Variants in NDUFS4 observed in about 807,000 individuals in gnomAD.
NDUFS4 encodes the protein NADH:ubiquinone oxidoreductase subunit S4.
A neutral mutation model predicts 24.3 loss-of-function variants in NDUFS4; 28 were observed. That is an observed-to-expected ratio of 1.15 (90% confidence interval 0.85 to 1.58). The LOEUF is 1.58. Among genes scored for constraint, NDUFS4 ranks in the 40% most tolerant of loss-of-function variants. The pLI, the probability that NDUFS4 is intolerant of heterozygous loss-of-function variation, is 0.00. For missense variants in NDUFS4, 223 were observed against 207.9 expected (o/e 1.07, Z -0.45); for synonymous variants, 93 against 69.7 (o/e 1.34, Z -1.67).
At chr5:53,625,952 A>G (rs1389931211) in intron 2 of NDUFS4, among the ~76,000 whole-genome samples, 1 of 152,160 alleles carries the variant, frequency 6.6e-6, no homozygotes, top group Non-Finnish European at 1.5e-5. Context: ...TCTGTTACAT[A>G]GGTATACATG....
chr5:53,660,181 T>C (rs1488758547), intron 4 of NDUFS4, among the ~76,000 whole-genome samples: 2 of 124,612 alleles, frequency 1.6e-5, no homozygotes, highest in Non-Finnish European at 3.2e-5. Context: ...CGGAGTGTGA[T>C]GTTCCCCTTC....
chr5:53,622,948 A>T (rs1257138950), intron 2 of NDUFS4, among the ~76,000 whole-genome samples: 1 of 152,132 alleles, frequency 6.6e-6, no homozygotes, highest in Admixed American at 6.5e-5. Context: ...CATGTGTCAG[A>T]ATTTCATTCC....
intron 4 of NDUFS4, among the ~76,000 whole-genome samples, chr5:53,663,289 GA>G (rs1250012140): frequency 2.0e-5 from 3 of 152,078 alleles, no homozygotes; most frequent in African/African-American, 4.8e-5. Flanking sequence ...GTGTGGTGTT[GA>G]AAAAAATGTA....
At chr5:53,562,951 C>G (rs779608822) in intron 1 of NDUFS4, among the ~76,000 whole-genome samples, 5 of 140,422 alleles carry the variant, frequency 3.6e-5, no homozygotes, top group Non-Finnish European at 7.9e-5. Flanking sequence ...AAGGAAGGGC[C>G]GGGCGCGGTG....
intron 1 of NDUFS4, among the ~76,000 whole-genome samples, chr5:53,561,016 A>C (rs1398050450): frequency 1.3e-5 from 2 of 151,814 alleles, no homozygotes; most frequent in African/African-American, 4.8e-5. Context: ...GCTGAGGGAG[A>C]GGGTCCGTGG....
intron 1 of NDUFS4, among the ~76,000 whole-genome samples, chr5:53,601,614 G>A (rs909940672): frequency 1.6e-4 from 24 of 152,078 alleles, no homozygotes; most frequent in Non-Finnish European, 3.1e-4. Flanking sequence ...AGCTTTTCAC[G>A]GTTTTAGTTA....
intron 1 of NDUFS4, among the ~76,000 whole-genome samples, chr5:53,590,733 C>T (rs1749925544): frequency 6.6e-6 from 1 of 152,200 alleles, no homozygotes; most frequent in African/African-American, 2.4e-5. Flanking sequence ...CAGGGATTAT[C>T]TGTTTCTTCA....
chr5:53,583,172 C>T (rs1018586457), intron 1 of NDUFS4, among the ~76,000 whole-genome samples: 4 of 152,056 alleles, frequency 2.6e-5, no homozygotes, highest in Non-Finnish European at 4.4e-5. Flanking sequence ...CCACTGCACC[C>T]GGCCTTATAT....
At chr5:53,566,703 AAT>A (rs1346566240) in intron 1 of NDUFS4, among the ~76,000 whole-genome samples, 2 of 152,100 alleles carry the variant, frequency 1.3e-5, no homozygotes, top group Non-Finnish European at 2.9e-5. Flanking sequence ...ATATACTTTA[AAT>A]CATCTCTGGA....
intron 4 of NDUFS4, among the ~76,000 whole-genome samples, chr5:53,668,780 C>T (rs1752589645): frequency 6.6e-6 from 1 of 151,962 alleles, no homozygotes; most frequent in Non-Finnish European, 1.5e-5. Flanking sequence ...ATATTTAATG[C>T]CCTCTAATTA....
At chr5:53,604,628 G>A (rs780147508) in intron 2 of NDUFS4, 10 of 385,382 alleles carry the variant, frequency 2.6e-5, no homozygotes, top group East Asian at 7.2e-5. Context: ...CCCTCTTTTC[G>A]TCCTTTGGTG....
chr5:53,651,221 T>G (rs921524208), intron 3 of NDUFS4, among the ~76,000 whole-genome samples: 7 of 151,996 alleles, frequency 4.6e-5, no homozygotes, highest in Admixed American at 2.0e-4. Flanking sequence ...ACTTATTTGA[T>G]TTGATTAGAA....
intron 2 of NDUFS4, among the ~76,000 whole-genome samples, chr5:53,642,575 C>G (rs1159687813): frequency 6.6e-6 from 1 of 151,984 alleles, no homozygotes. Flanking sequence ...TTGACACCAA[C>G]TTCCCATTGC....
chr5:53,563,199 A>C (rs531922086), intron 1 of NDUFS4, among the ~76,000 whole-genome samples: 1 of 150,094 alleles, frequency 6.7e-6, no homozygotes, highest in Admixed American at 6.7e-5. Context: ...ACTGCACTCC[A>C]GCCTGGGCAA....
At chr5:53,586,352 A>G (rs1342346567) in intron 1 of NDUFS4, among the ~76,000 whole-genome samples, 2 of 151,304 alleles carry the variant, frequency 1.3e-5, no homozygotes, top group Non-Finnish European at 2.9e-5. Flanking sequence ...AAAACAAACC[A>G]AAACAAAAAA....
chr5:53,643,496 G>A (rs563450715), intron 2 of NDUFS4, among the ~76,000 whole-genome samples: 1 of 152,240 alleles, frequency 6.6e-6, no homozygotes, highest in Non-Finnish European at 1.5e-5. Context: ...GACACAAGTA[G>A]AGTTCAGCAT....
intron 2 of NDUFS4, among the ~76,000 whole-genome samples, chr5:53,627,236 C>G (rs1751257393): frequency 6.6e-6 from 1 of 152,082 alleles, no homozygotes; most frequent in South Asian, 2.1e-4. Flanking sequence ...TTCCATTGGT[C>G]TATATATCTG....
At chr5:53,642,459 A>G (rs1751732594) in intron 2 of NDUFS4, among the ~76,000 whole-genome samples, 1 of 152,150 alleles carries the variant, frequency 6.6e-6, no homozygotes, top group South Asian at 2.1e-4. Flanking sequence ...TTGAAGTCAT[A>G]ATAGTCATTG....
At chr5:53,569,660 T>G (rs1186706401) in intron 1 of NDUFS4, among the ~76,000 whole-genome samples, 2 of 152,196 alleles carry the variant, frequency 1.3e-5, no homozygotes, top group African/African-American at 4.8e-5. Context: ...GATGTTTTTC[T>G]TTGAAACTGT....
Sources: gnomAD v4.1 joint callset for allele counts (sites outside exome capture counted in the v4.1 genomes callset) on GRCh38, gnomAD v4.1.1 for gene constraint, MANE v1.5 for transcripts, NCBI Gene and HGNC (gene_info 2026-07-23, HGNC 2026-07-21) for gene names.